Variants in KHDC1 observed in about 807,000 individuals in gnomAD.
KHDC1 encodes KH domain containing 1.
A neutral mutation model predicts 24.7 loss-of-function variants in KHDC1; 21 were observed. The observed-to-expected ratio is 0.85, with a 90% CI of 0.60 to 1.23. The LOEUF (loss-of-function observed/expected upper bound fraction) is 1.23, where lower values mean the gene tolerates loss of function less well. Among genes scored for constraint, KHDC1 ranks in the 50% most tolerant of loss-of-function variants. The pLI is 0.00. For synonymous variants in KHDC1, 98 were observed against 111.7 expected, an observed-to-expected ratio of 0.88 and a Z score of 0.77; for missense variants, 274 against 298.5, an observed-to-expected ratio of 0.92 and a Z score of 0.61.
At chr6:73,308,135 C>G (rs187757712) in intron 1 of KHDC1, among the ~76,000 whole-genome samples, 35 of 146,342 alleles carry the variant, frequency 2.4e-4, no homozygotes, top group Admixed American at 1.3e-3. Flanking sequence ...AGTGCAGTGA[C>G]GCGATCACGG....
chr6:73,241,430 A>G (rs1161015751), exon 5 of KHDC1: 4 of 1,151,006 alleles, frequency 3.5e-6, no homozygotes, highest in Non-Finnish European at 5.2e-6. Context: ...CCCGGCCACA[A>G]GTTCAAACTT....
intron 2 of KHDC1, among the ~76,000 whole-genome samples, chr6:73,273,407 A>AT (rs1457358378): frequency 6.6e-6 from 1 of 151,884 alleles, no homozygotes; most frequent in African/African-American, 2.4e-5. Context: ...ACCTGAAGTG[A>AT]TCCCCCCGCC....
chr6:73,309,844 G>A, exon 1 of KHDC1: 1 of 1,106,000 alleles, frequency 9.0e-7, no homozygotes, highest in Non-Finnish European at 1.3e-6. Context: ...GGACGCGAAG[G>A]AAAGGGCCAC....
At chr6:73,249,980 C>A (rs2150555584) in intron 2 of KHDC1, among the ~76,000 whole-genome samples, 1 of 152,310 alleles carries the variant, frequency 6.6e-6, no homozygotes, top group African/African-American at 2.4e-5. Context: ...AATATAGTTT[C>A]TCTTGCATCC....
At chr6:73,306,767 G>C (rs1370449926) in intron 1 of KHDC1, among the ~76,000 whole-genome samples, 2 of 152,198 alleles carry the variant, frequency 1.3e-5, no homozygotes, top group Non-Finnish European at 2.9e-5. Context: ...CCAACACTTT[G>C]GGAGGCCGAG....
At chr6:73,277,943 C>T (rs1228291645) in intron 2 of KHDC1, among the ~76,000 whole-genome samples, 7 of 142,048 alleles carry the variant, frequency 4.9e-5, no homozygotes, top group African/African-American at 1.8e-4. Flanking sequence ...AGTTAAATAT[C>T]TTTTTATACC....
chr6:73,254,761 G>A (rs1199946915), intron 2 of KHDC1, among the ~76,000 whole-genome samples: 1 of 152,088 alleles, frequency 6.6e-6, no homozygotes, highest in Non-Finnish European at 1.5e-5. Flanking sequence ...CCGGCACTTT[G>A]GGAGGCCGAG....
intron 2 of KHDC1, among the ~76,000 whole-genome samples, chr6:73,264,662 A>T (rs1767050189): frequency 6.6e-6 from 1 of 152,258 alleles, no homozygotes; most frequent in Non-Finnish European, 1.5e-5. Flanking sequence ...CCAGAGGCAC[A>T]CAGGAAGGAA....
chr6:73,242,564 G>C (rs756499846), intron 2 of KHDC1, 34 bp from the exon 2 acceptor site: 169 of 1,613,420 alleles, frequency 1.0e-4, no homozygotes, highest in Non-Finnish European at 1.4e-4. Flanking sequence ...CAAGCAACTG[G>C]TTGGCAAAAG....
chr6:73,305,689 T>G lies in KHDC1; in HGVS notation c.163+3863A>C, dbSNP rs559105080. On this transcript the variant is annotated intron_variant, in intron 1 of 4. Transcript: ENST00000370384. Reference sequence around the variant, plus strand: ...TATTATTATTTTTTGAGACATAGTCTCACTCTGTCACCCAGGCTGGAGTGC... The same window carrying G: ...TATTATTATTTTTTGAGACATAGTCGCACTCTGTCACCCAGGCTGGAGTGC... 7.9e-4 allele frequency among the ~76,000 whole-genome samples: 120 copies of G among 152,326 alleles called. 1 individual carries two copies. Among genetic ancestry groups the G allele is most frequent in the Non-Finnish European group, 8.8e-5 (6 of 68,030 alleles).
At chr6:73,274,855 C>G (rs1372386412) in intron 2 of KHDC1, 1 of 152,338 alleles carries the variant, frequency 6.6e-6, no homozygotes, top group African/African-American at 2.4e-5. Flanking sequence ...TGCACCCTAC[C>G]ATGCGAGCGC....
At position 73,305,233 on chromosome 6, in the gene KHDC1, C is replaced by T. The variant is rs948440597; in HGVS notation, c.163+4319G>A. Among the ~76,000 whole-genome samples, 4 of 152,022 alleles carry T rather than the reference C, an allele frequency of 2.6e-5. No homozygotes were observed. In the East Asian group the frequency reaches 5.8e-4, roughly 22 times the overall value. On this transcript the variant is annotated intron_variant, in intron 1 of 4. Transcript: ENST00000370384. ...AGCCTGCCTAAGTGACAGAGCAAGACTCCATCTCAAAAATATATATATAAT... is the reference window on the plus strand; with the variant it reads ...AGCCTGCCTAAGTGACAGAGCAAGATTCCATCTCAAAAATATATATATAAT...
chr6:73,263,294 C>G (rs1767021002), intron 2 of KHDC1, 98 bp from the exon 1 acceptor site: 1 of 985,496 alleles, frequency 1.0e-6, no homozygotes, highest in Non-Finnish European at 1.2e-6. Flanking sequence ...GCGGAGCCCA[C>G]TGCCGGCGCG....
chr6:73,292,284 G>C, intron 1 of KHDC1: 6 of 1,219,290 alleles, frequency 4.9e-6, no homozygotes, highest in Non-Finnish European at 7.3e-6. Flanking sequence ...CGGTCAACCA[G>C]GGATGGTAGG....
chr6:73,272,273 C>A (rs1317407574), intron 2 of KHDC1, among the ~76,000 whole-genome samples: 1 of 151,712 alleles, frequency 6.6e-6, no homozygotes, highest in Non-Finnish European at 1.5e-5. Context: ...AAGCTATTCT[C>A]CTGCCTCACT....
chr6:73,244,222 C>T (rs1039927370), intron 2 of KHDC1, among the ~76,000 whole-genome samples: 5 of 152,218 alleles, frequency 3.3e-5, no homozygotes, highest in Middle Eastern at 3.4e-3. Context: ...ACCTGATAGC[C>T]ACATAAAAAG....
At chr6:73,297,183 G>A (rs1767773515) in intron 1 of KHDC1, among the ~76,000 whole-genome samples, 1 of 152,096 alleles carries the variant, frequency 6.6e-6, no homozygotes, top group Admixed American at 6.6e-5. Context: ...TTACAGTCAT[G>A]AGCCATCATT....
intron 2 of KHDC1, among the ~76,000 whole-genome samples, chr6:73,288,088 T>G (rs1409615941): frequency 2.0e-5 from 3 of 152,226 alleles, no homozygotes; most frequent in Admixed American, 2.0e-4. Flanking sequence ...AGGATAGAGT[T>G]AGTCATCATC....
chr6:73,298,567 C>T (rs1402743518), intron 1 of KHDC1, among the ~76,000 whole-genome samples: 1 of 150,198 alleles, frequency 6.7e-6, no homozygotes, highest in Admixed American at 6.7e-5. Flanking sequence ...TCCCGAGTAG[C>T]TGGGATTACA....
Sources: gnomAD v4.1 joint callset for allele counts (sites outside exome capture counted in the v4.1 genomes callset) on GRCh38, gnomAD v4.1.1 for gene constraint, MANE v1.5 for transcripts, NCBI Gene and HGNC (gene_info 2026-07-23, HGNC 2026-07-21) for gene names.